Variants in NUB1 observed in about 807,000 individuals in gnomAD.
NUB1 encodes negative regulator of ubiquitin like proteins 1, also known as NEDD8 ultimate buster 1.
A neutral mutation model predicts 77.1 loss-of-function variants in NUB1; 41 were observed. The observed-to-expected ratio is 0.53, with a 90% CI of 0.41 to 0.69. The LOEUF is 0.69. Among genes scored for constraint, NUB1 ranks in the 30% least tolerant of loss-of-function variants. NUB1 has a pLI of 0.00. For missense variants in NUB1, 643 were observed against 743.8 expected (o/e 0.86, Z 1.58); for synonymous variants, 257 against 281.0 (o/e 0.91, Z 0.85).
chr7:151,368,206 G>A (rs947714296), intron 10 of NUB1, among the ~76,000 whole-genome samples: 3 of 152,168 alleles, frequency 2.0e-5, no homozygotes, highest in East Asian at 1.9e-4. Context: ...CACTCATCTT[G>A]CCGTCTAGAG....
chr7:151,345,348 G>C lies in NUB1; in HGVS notation c.-2G>C, dbSNP rs1244906511. The C allele has an allele frequency of 6.3e-7, 1 of 1,591,508 alleles. No homozygotes were observed. Among genetic ancestry groups the C allele is most frequent in the Non-Finnish European group, 8.6e-7 (1 of 1,162,326 alleles). On this transcript the variant is annotated splice_region_variant and 5_prime_UTR_variant, in exon 2 of 15. Coordinates refer to ENST00000568733, the MANE Select transcript of NUB1 (RefSeq NM_001243351.2). The stretch of plus-strand genomic sequence containing the variant: ...TATTAATGTATTGTTTTGCTTTCAG[G>C]GATGGCACAAAAGAAATATCTTCAA...
At chr7:151,358,657 GA>G (rs1370219061) in intron 7 of NUB1, among the ~76,000 whole-genome samples, 103 of 152,318 alleles carry the variant, frequency 6.8e-4, no homozygotes, top group African/African-American at 2.1e-3. Flanking sequence ...TGTCTTCCAT[GA>G]AAGCAGTCCC....
Position 151,355,784 on chromosome 7 carries a change from A to G in NUB1, c.432A>G (p.Glu144=). ...TTTTTATAGGGAAAACCCTTGAAGA[A>G]CAAGGCGTGGCTCACAATGTGAAAG... ...KQLQLGKTLE[E]QGVAHNVKAM... is the part of the protein sequence containing the mutation. Residue 144 remains glutamate (E), a synonymous_variant, in exon 6 of 15, where the codon GAA becomes GAG. Transcript: ENST00000568733. 1 of 1,598,306 alleles carries G rather than the reference A, an allele frequency of 6.3e-7. No individual in the cohort carries two copies. The highest frequency in any genetic ancestry group is 1.8e-5 in the Admixed American group (1 of 57,010).
intron 8 of NUB1, among the ~76,000 whole-genome samples, chr7:151,364,117 A>G (rs1797522468): frequency 6.7e-6 from 1 of 148,166 alleles, no homozygotes; most frequent in Non-Finnish European, 1.5e-5. Context: ...TTAAATAAAT[A>G]TTAATTTCAA....
intron 8 of NUB1, among the ~76,000 whole-genome samples, 188 bp from the exon 9 acceptor site, chr7:151,366,751 C>G (rs1563025005): frequency 6.6e-6 from 1 of 152,172 alleles, no homozygotes. Flanking sequence ...TTTCTTTCCC[C>G]CATTAGAAGG....
In NUB1 at chr7:151,366,810, T is replaced by C. The variant is rs1248374871; in HGVS notation, c.801-129T>C. 4 of 650,928 alleles carry C rather than the reference T, an allele frequency of 6.1e-6. No individual in the cohort carries two copies. In the Admixed American group the frequency reaches 9.9e-5, roughly 16 times the overall value. The allele number at this position is 650,928 out of a possible 1,614,324, so 40.3% of individuals were successfully genotyped here. A position where few individuals can be genotyped will look rare whatever the true frequency, so the allele number is the denominator to read the frequency against. On this transcript the variant is annotated intron_variant, in intron 8 of 14. Coordinates refer to ENST00000568733, the MANE Select transcript of NUB1 (RefSeq NM_001243351.2). Reference sequence around the variant, plus strand: ...TTCCTAAACATTAGGATCTCTCTTTTAGAGCAGTCAGCCTTTGAATATATA... The same window carrying C: ...TTCCTAAACATTAGGATCTCTCTTTCAGAGCAGTCAGCCTTTGAATATATA...
chr7:151,376,502 T>A (rs1003025846), intron 13 of NUB1, 132 bp from the exon 14 acceptor site: 14 of 859,178 alleles, frequency 1.6e-5, no homozygotes, highest in Non-Finnish European at 2.3e-5. Flanking sequence ...AAGCATGACT[T>A]GTGCACAAAG....
rs1584966619 is a variant in NUB1 at position 151,369,031 on chromosome 7, A to G, written c.1248+144A>G. 4.2e-6 allele frequency: 4 copies of G among 947,296 alleles called. No homozygotes were observed. The East Asian group carries it at 1.2e-4, about 28-fold the overall frequency. 58.7% of individuals were successfully genotyped at this position (947,296 alleles called of 1,614,324 possible). A position where few individuals can be genotyped will look rare whatever the true frequency, so the allele number is the denominator to read the frequency against. On this transcript the variant is annotated intron_variant, in intron 11 of 14. Coordinates refer to ENST00000568733, the MANE Select transcript of NUB1 (RefSeq NM_001243351.2). ...CTTGTCCTTTTTTTTTTCTTGAGAC[A>G]GAGTCTCACTTTGTCATCCAGGCTG...
At chr7:151,367,998 C>A in intron 10 of NUB1, 30 bp downstream of exon 10, 1 of 1,283,812 alleles carries the variant, frequency 7.8e-7, no homozygotes, top group Non-Finnish European at 1.1e-6. Context: ...AACCAATTTT[C>A]ACCTCCTTTT....
In NUB1 at chr7:151,365,890, C is replaced by CTT. The variant is rs11414801; in HGVS notation, c.801-1040_801-1039dup. On this transcript the variant is annotated intron_variant, in intron 8 of 14. Coordinates refer to ENST00000568733, the MANE Select transcript of NUB1 (RefSeq NM_001243351.2). Reference sequence around the variant, plus strand: ...AAGAGTAAATGACAAAATTAAAGTCCTTTTTTTTTTATTCCATGCATATTT... The same window carrying CTT: ...AAGAGTAAATGACAAAATTAAAGTCCTTTTTTTTTTTTATTCCATGCATATTT... Among the ~76,000 whole-genome samples, 24 of 149,894 alleles carry CTT rather than the reference C, an allele frequency of 1.6e-4. No individual in the cohort carries two copies. In the East Asian group the frequency reaches 1.8e-3, roughly 11 times the overall value.
In NUB1 at chr7:151,360,173, G is replaced by T; in HGVS notation, c.726G>T (p.Lys242Asn). The T allele has an allele frequency of 6.2e-7, 1 of 1,606,620 alleles. No homozygotes were observed. ...TGTTAGCTATGGGATATCATGAGAA[G>T]GGCAGAGCTTTCCTGAAAAGAAAAG... ...ALMLAMGYHE[K>N]GRAFLKRKEY... Residue 242 changes from lysine to asparagine, a missense_variant, in exon 8 of 15, where the codon AAG (lysine) becomes AAT (asparagine). By Grantham distance (94) the Lys-to-Asn change is moderately conservative. Transcript: ENST00000568733.
In NUB1 at chr7:151,376,555, G is replaced by C. The variant is rs576636705; in HGVS notation, c.1492-79G>C. On this transcript the variant is annotated intron_variant, in intron 13 of 14. Coordinates refer to ENST00000568733, the MANE Select transcript of NUB1 (RefSeq NM_001243351.2). The stretch of plus-strand genomic sequence containing the variant: ...CGGGAGCTCTTAAACATGAGAGTCG[G>C]CTGTCCACTCGTATGGCTGACGGGG... 1.8e-4 allele frequency: 248 copies of C among 1,350,488 alleles called. 2 individuals carry two copies. The African/African-American group carries it at 3.3e-3, about 18-fold the overall frequency. 83.7% of individuals were successfully genotyped at this position (1,350,488 alleles called of 1,614,324 possible).
At chr7:151,369,038 C>CAAGAA in intron 11 of NUB1, 151 bp downstream of exon 11, 1 of 896,056 alleles carries the variant, frequency 1.1e-6, no homozygotes, top group Non-Finnish European at 1.6e-6. Flanking sequence ...GACAGAGTCT[C>CAAGAA]ACTTTGTCAT....
At position 151,371,180 on chromosome 7, in the gene NUB1, G is replaced by A. The variant is rs138810935; in HGVS notation, c.1248+2293G>A. Among the ~76,000 whole-genome samples, 52 of 152,242 alleles carry A rather than the reference G, an allele frequency of 3.4e-4. No individual in the cohort carries two copies. In the South Asian group the frequency reaches 6.8e-3, roughly 20 times the overall value. On this transcript the variant is annotated intron_variant, in intron 11 of 14. Transcript: ENST00000568733. Reference sequence around the variant, plus strand: ...AGATGTTGTTAGTTACGATGCCTTTGGCTGAAAGCAACAACAACAACAAAA... The same window carrying A: ...AGATGTTGTTAGTTACGATGCCTTTAGCTGAAAGCAACAACAACAACAAAA...
At chr7:151,368,440 G>A (rs144484765) in intron 10 of NUB1, among the ~76,000 whole-genome samples, 2 of 152,358 alleles carry the variant, frequency 1.3e-5, no homozygotes, top group African/African-American at 2.4e-5. Flanking sequence ...GAAATGCCAC[G>A]TGCACAGCTG....
intron 8 of NUB1, 175 bp downstream of exon 8, chr7:151,360,422 C>G (rs965736525): frequency 8.5e-6 from 4 of 472,830 alleles, no homozygotes; most frequent in Non-Finnish European, 1.5e-5. Flanking sequence ...TTCTAATTGA[C>G]CTTTCCTCCC....
At chr7:151,377,023 T>C in intron 14 of NUB1, 24 bp from the exon 15 acceptor site, 1 of 1,511,554 alleles carries the variant, frequency 6.6e-7, no homozygotes, top group African/African-American at 1.4e-5. Flanking sequence ...ATAATTCACT[T>C]ACTCCTGCGG....
At chr7:151,361,152 A>G (rs888168054) in intron 8 of NUB1, 1 of 152,228 alleles carries the variant, frequency 6.6e-6, no homozygotes, top group African/African-American at 2.4e-5. Flanking sequence ...ATGTGGAGGT[A>G]CAATTTGTAT....
intron 2 of NUB1, among the ~76,000 whole-genome samples, chr7:151,347,395 G>A (rs186275852): frequency 6.9e-5 from 10 of 144,856 alleles, no homozygotes; most frequent in African/African-American, 1.0e-4. Flanking sequence ...CCTGGGCAAC[G>A]TAGTGAGACC....
Sources: gnomAD v4.1 joint callset for allele counts (sites outside exome capture counted in the v4.1 genomes callset) on GRCh38, gnomAD v4.1.1 for gene constraint, MANE v1.5 for transcripts, NCBI Gene and HGNC (gene_info 2026-07-23, HGNC 2026-07-21) for gene names.